Variants in BCS1L observed in about 807,000 individuals in gnomAD.
BCS1L encodes mitochondrial chaperone BCS1.
In BCS1L, 38 loss-of-function variants were observed where a neutral mutation model predicts 49.3. That is an observed-to-expected ratio of 0.77 (90% CI 0.59 to 1.01). BCS1L has a LOEUF of 1.01. Ranked by LOEUF, BCS1L falls within the 50% of genes least tolerant of loss-of-function variation. The probability of loss-of-function intolerance (pLI) is 0.00; values close to 1 mark genes in which losing one functional copy is unlikely to be tolerated. For synonymous variants in BCS1L, 193 were observed against 210.1 expected, an observed-to-expected ratio of 0.92 and a Z score of 0.70; for missense variants, 394 against 540.2, an observed-to-expected ratio of 0.73 and a Z score of 2.68.
chr2:218,661,604 T>C lies in BCS1L; in HGVS notation c.460+59T>C. 6.2e-7 allele frequency: 1 copy of C among 1,607,250 alleles called. No homozygotes were observed. The highest frequency in any genetic ancestry group is 8.5e-7 in the Non-Finnish European group (1 of 1,176,900). ...ATTGCAGGGATGGGGACATTTGACA[T>C]CAGATGAGCAGTTTGGAGAAGTGGA... On this transcript the variant is annotated intron_variant, in intron 3 of 7. Coordinates refer to ENST00000359273, the MANE Select transcript of BCS1L (RefSeq NM_001079866.2). This position sits in a 1 kb window ranked among gnomAD's most constrained non-coding sequence, Gnocchi z 5.9.
At chr2:218,659,371 C>G (rs1939035906), upstream of BCS1L, 1 of 152,304 alleles carries the variant, frequency 6.6e-6, no homozygotes, top group Non-Finnish European at 1.5e-5. The surrounding 1 kb of genome is among the most constrained non-coding windows in gnomAD (Gnocchi z 4.4). Context: ...TCACTCACCT[C>G]CAGACCCAGA....
Position 218,662,047 on chromosome 2 carries a change from G to C in BCS1L, c.655+94G>C. 6.7e-7 allele frequency: 1 copy of C among 1,501,574 alleles called. No homozygotes were observed. Among genetic ancestry groups the C allele is most frequent in the Non-Finnish European group, 9.3e-7 (1 of 1,080,940 alleles). The allele number at this position is 1,501,574 out of a possible 1,614,324, so 93.0% of individuals were successfully genotyped here. A position where few individuals can be genotyped will look rare whatever the true frequency, so the allele number is the denominator to read the frequency against. On this transcript the variant is annotated intron_variant, in intron 4 of 7. Transcript: ENST00000359273. This position sits in a 1 kb window ranked among gnomAD's most constrained non-coding sequence, Gnocchi z 5.8. ...CCAGATGGGGTGATATAAAGCTCTA[G>C]TCCAATTCCCAGAGATTAAGAGGAA... is the stretch of plus-strand genomic sequence containing the variant.
chr2:218,661,171 T>C lies in BCS1L; in HGVS notation c.184T>C (p.Trp62Arg). The C allele has an allele frequency of 6.2e-7, 1 of 1,614,188 alleles. No individual in the cohort carries two copies. The highest frequency in any genetic ancestry group is 8.5e-7 in the Non-Finnish European group (1 of 1,180,026). The change falls in exon 2 of 8, where the codon TGG becomes CGG. Residue 62 changes from tryptophan to arginine, a missense_variant. By Grantham distance (101) the Trp-to-Arg change is moderately radical (BLOSUM62 -3). Coordinates refer to ENST00000359273, the MANE Select transcript of BCS1L (RefSeq NM_001079866.2). The surrounding 1 kb of genome is among the most constrained non-coding windows in gnomAD (Gnocchi z 5.9). ...CCCTGCTCGAGACAGGAGCTATGCC[T>C]GGTTGCTTAGCTGGCTCACCCGCCA... The part of the protein sequence containing the change: ...EVPARDRSYA[W>R]LLSWLTRHST...
At position 218,660,936 on chromosome 2, in the gene BCS1L, T is replaced by G; in HGVS notation, c.-49-3T>G. ...TCCCATCTCCACTGTTCCCCACCCC[T>G]AGGTTTTCGTAACACCCCAGGGCCT... On this transcript the variant is annotated splice_polypyrimidine_tract_variant and splice_region_variant and intron_variant, in intron 1 of 7. Transcript: ENST00000359273. The G allele has an allele frequency of 1.9e-6, 3 of 1,598,716 alleles. No individual in the cohort carries two copies. Among genetic ancestry groups the G allele is most frequent in the Non-Finnish European group, 2.6e-6 (3 of 1,169,604 alleles).
Position 218,663,007 on chromosome 2 carries a change from A to G in BCS1L, c.1007+7A>G. 1 of 1,613,752 alleles carries G rather than the reference A, an allele frequency of 6.2e-7. No individual in the cohort carries two copies. Among genetic ancestry groups the G allele is most frequent in the Non-Finnish European group, 8.5e-7 (1 of 1,179,962 alleles). On this transcript the variant is annotated splice_region_variant and intron_variant, in intron 7 of 7. Transcript: ENST00000359273. The stretch of plus-strand genomic sequence containing the variant: ...CCACCAACCACGTTGACAGGTAGGA[A>G]GGAGCCAGGCATCCTGAGACTTAGG...
chr2:218,661,482 GA>G lies in BCS1L; in HGVS notation c.399del (p.Glu133AspfsTer25), dbSNP rs751484879. On this transcript the variant is annotated frameshift_variant, in exon 3 of 8. Coordinates refer to ENST00000359273, the MANE Select transcript of BCS1L (RefSeq NM_001079866.2). LOFTEE classifies it high-confidence loss of function. The surrounding 1 kb of genome is among the most constrained non-coding windows in gnomAD (Gnocchi z 5.9). ...MIDLQTGTPW[E>X]SVTFTALGTD... is the part of the protein sequence containing the mutation. ...AGACTTGCAGACGGGGACTCCTTGG[GA>G]ATCTGTCACCTTCACGGCCCTGGGC... is the stretch of plus-strand genomic sequence containing the variant. 192 of 1,614,076 alleles carry G rather than the reference GA, an allele frequency of 1.2e-4. No homozygotes were observed. The highest frequency in any genetic ancestry group is 1.5e-4 in the Non-Finnish European group (179 of 1,180,048).
rs200593699 is a variant in BCS1L, at chr2:218,662,992, C to T, written c.999C>T (p.His333=). 10 of 1,613,976 alleles carry T rather than the reference C, an allele frequency of 6.2e-6. No individual in the cohort carries two copies. Among genetic ancestry groups the T allele is most frequent in the East Asian group, 4.5e-5 (2 of 44,864 alleles). ...GCATCGTGTTCATGACCACCAACCA[C>T]GTTGACAGGTAGGAAGGAGCCAGGC... ...EARIVFMTTN[H]VDRLDPALIR... Residue 333 remains histidine, a synonymous_variant, in exon 7 of 8, where the codon CAC becomes CAT. Coordinates refer to ENST00000359273, the MANE Select transcript of BCS1L (RefSeq NM_001079866.2). This position sits in a 1 kb window ranked among gnomAD's most constrained non-coding sequence, Gnocchi z 5.8.
In BCS1L at chr2:218,662,541, A is replaced by G; in HGVS notation, c.751A>G (p.Ile251Val). Residue 251 changes from isoleucine to valine, a missense_variant, in exon 6 of 8, where the codon ATC becomes GTC. Ile to Val is a conservative substitution (Grantham distance 29). Coordinates refer to ENST00000359273, the MANE Select transcript of BCS1L (RefSeq NM_001079866.2). The surrounding 1 kb of genome is among the most constrained non-coding windows in gnomAD (Gnocchi z 5.8). ...TALAGELEHSICLLSLTDSSL... is the reference protein window; with the variant it reads ...TALAGELEHSVCLLSLTDSSL... ...CCTGGCTGGGGAACTGGAGCACAGC[A>G]TCTGCCTGCTGAGCCTCACGGACTC... is the stretch of plus-strand genomic sequence containing the variant. 4.3e-6 allele frequency: 7 copies of G among 1,614,034 alleles called. No homozygotes were observed. Among genetic ancestry groups the G allele is most frequent in the Non-Finnish European group, 5.9e-6 (7 of 1,180,026 alleles).
Position 218,661,597 on chromosome 2 carries a change from T to C in BCS1L, c.460+52T>C. Reference sequence around the variant, plus strand: ...TAGGGACATTGCAGGGATGGGGACATTTGACATCAGATGAGCAGTTTGGAG... The same window carrying C: ...TAGGGACATTGCAGGGATGGGGACACTTGACATCAGATGAGCAGTTTGGAG... On this transcript the variant is annotated intron_variant, in intron 3 of 7. Transcript: ENST00000359273. The surrounding 1 kb of genome is among the most constrained non-coding windows in gnomAD (Gnocchi z 5.9). The C allele has an allele frequency of 3.7e-6, 6 of 1,609,916 alleles. No individual in the cohort carries two copies. The highest frequency in any genetic ancestry group is 1.1e-5 in the South Asian group (1 of 90,678).
Position 218,662,845 on chromosome 2 carries a change from A to G in BCS1L, c.890-38A>G, listed in dbSNP as rs554510882. On this transcript the variant is annotated intron_variant, in intron 6 of 7. Coordinates refer to ENST00000359273, the MANE Select transcript of BCS1L (RefSeq NM_001079866.2). The surrounding 1 kb of genome is among the most constrained non-coding windows in gnomAD (Gnocchi z 5.8). ...GGGCATGCTAATTTTATGCTGGGCT[A>G]TGACTACTCATGCTTCCTTATCTTT... 9 of 1,601,810 alleles carry G rather than the reference A, an allele frequency of 5.6e-6. No homozygotes were observed. In the Admixed American group the frequency reaches 6.7e-5, roughly 12 times the overall value.
rs746903284 is a variant in BCS1L, at chr2:218,661,738, A to G, written c.461-21A>G. 6.2e-7 allele frequency: 1 copy of G among 1,607,564 alleles called. No homozygotes were observed. Among genetic ancestry groups the G allele is most frequent in the Non-Finnish European group, 8.5e-7 (1 of 1,175,504 alleles). On this transcript the variant is annotated intron_variant, in intron 3 of 7. Coordinates refer to ENST00000359273, the MANE Select transcript of BCS1L (RefSeq NM_001079866.2). This position sits in a 1 kb window ranked among gnomAD's most constrained non-coding sequence, Gnocchi z 5.9. ...CATGGTGAAGAGAATTATTGGCTTT[A>G]TCTCATCTTCTCCTTCCCAGCTCGA...
Position 218,661,853 on chromosome 2 carries a change from G to A in BCS1L, c.555G>A (p.Arg185=). The A allele has an allele frequency of 6.2e-7, 1 of 1,614,234 alleles. No individual in the cohort carries two copies. Among genetic ancestry groups the A allele is most frequent in the Non-Finnish European group, 8.5e-7 (1 of 1,180,044 alleles). The change falls in exon 4 of 8, where the codon CGG becomes CGA. Residue 185 remains arginine, a synonymous_variant. Transcript: ENST00000359273. The surrounding 1 kb of genome is among the most constrained non-coding windows in gnomAD (Gnocchi z 5.9). ...EWRPFGYPRR[R]RPLNSVVLQQ... The stretch of plus-strand genomic sequence containing the variant: ...GTCCCTTTGGCTATCCACGCCGCCG[G>A]CGACCACTGAATTCTGTGGTTCTAC...
Position 218,661,650 on chromosome 2 carries a change from C to A in BCS1L, c.460+105C>A, listed in dbSNP as rs1390425582. The A allele has an allele frequency of 6.3e-7, 1 of 1,581,166 alleles. No individual in the cohort carries two copies. Among genetic ancestry groups the A allele is most frequent in the East Asian group, 2.3e-5 (1 of 43,400 alleles). On this transcript the variant is annotated intron_variant, in intron 3 of 7. Coordinates refer to ENST00000359273, the MANE Select transcript of BCS1L (RefSeq NM_001079866.2). The surrounding 1 kb of genome is among the most constrained non-coding windows in gnomAD (Gnocchi z 5.9). Reference sequence around the variant, plus strand: ...GTGGAATAAGCAGGCCGGGGTGAGCCCATGGGAACAGGGGGCCAGAAGGAA... The same window carrying A: ...GTGGAATAAGCAGGCCGGGGTGAGCACATGGGAACAGGGGGCCAGAAGGAA...
rs121908573 is a variant in BCS1L, at chr2:218,661,762, G to A, written c.464G>A (p.Arg155Gln). 1.6e-5 allele frequency: 25 copies of A among 1,608,896 alleles called. No individual in the cohort carries two copies. Among genetic ancestry groups the A allele is most frequent in the Non-Finnish European group, 2.0e-5 (24 of 1,175,812 alleles). ...KVFFNILEEARELALQQEEGK... is the reference protein window; with the variant it reads ...KVFFNILEEAQELALQQEEGK... ...TATCTCATCTTCTCCTTCCCAGCTC[G>A]AGAGCTAGCCTTGCAGCAGGAGGAA... The change falls in exon 4 of 8, where the codon CGA becomes CAA. Residue 155 changes from arginine to glutamine, a missense_variant. Arg to Gln is a conservative substitution (Grantham distance 43, BLOSUM62 1). Transcript: ENST00000359273. This position sits in a 1 kb window ranked among gnomAD's most constrained non-coding sequence, Gnocchi z 5.9.
Position 218,661,974 on chromosome 2 carries a change from T to G in BCS1L, c.655+21T>G. The stretch of plus-strand genomic sequence containing the variant: ...CAGAGGTGAGAAGCAGCTGGGGTCT[T>G]GGCTGTGCTGTTTTTGACATTTTTA... On this transcript the variant is annotated intron_variant, in intron 4 of 7. Transcript: ENST00000359273. The surrounding 1 kb of genome is among the most constrained non-coding windows in gnomAD (Gnocchi z 5.9). 6.2e-7 allele frequency: 1 copy of G among 1,612,376 alleles called. No homozygotes were observed. Among genetic ancestry groups the G allele is most frequent in the Middle Eastern group, 1.7e-4 (1 of 6,060 alleles).
intron 1 of BCS1L, 190 bp from the exon 2 acceptor site, chr2:218,660,749 G>GT: frequency 1.8e-6 from 1 of 553,194 alleles, no homozygotes; most frequent in Non-Finnish European, 3.3e-6. Flanking sequence ...TAGGAAACAG[G>GT]TATGAGTAGA....
chr2:218,662,971 C>G lies in BCS1L; in HGVS notation c.978C>G (p.Ile326Met). ...LDGVASTEARIVFMTTNHVDR... is the reference protein window; with the variant it reads ...LDGVASTEARMVFMTTNHVDR... The stretch of plus-strand genomic sequence containing the variant: ...GTGTGGCTTCCACCGAGGCCCGCAT[C>G]GTGTTCATGACCACCAACCACGTTG... The change falls in exon 7 of 8, where the codon ATC becomes ATG. Residue 326 changes from isoleucine (I) to methionine (M), a missense_variant. Physicochemically the swap from Ile to Met is conservative, Grantham distance 10. Transcript: ENST00000359273. This position sits in a 1 kb window ranked among gnomAD's most constrained non-coding sequence, Gnocchi z 5.8. The G allele has an allele frequency of 1.2e-6, 2 of 1,614,008 alleles. No homozygotes were observed. The highest frequency in any genetic ancestry group is 1.7e-6 in the Non-Finnish European group (2 of 1,180,012).
chr2:218,662,494 A>T lies in BCS1L; in HGVS notation c.720-16A>T. 1 of 1,613,490 alleles carries T rather than the reference A, an allele frequency of 6.2e-7. No individual in the cohort carries two copies. The highest frequency in any genetic ancestry group is 8.5e-7 in the Non-Finnish European group (1 of 1,180,022). On this transcript the variant is annotated splice_polypyrimidine_tract_variant and intron_variant, in intron 5 of 7. Coordinates refer to ENST00000359273, the MANE Select transcript of BCS1L (RefSeq NM_001079866.2). This position sits in a 1 kb window ranked among gnomAD's most constrained non-coding sequence, Gnocchi z 5.8. The stretch of plus-strand genomic sequence containing the variant: ...TCCAGGTTGCCTGCTACCTCCTGCC[A>T]TCCCATGCTCCATAGCACAGCCCTG...
At position 218,661,851 on chromosome 2, in the gene BCS1L, C is replaced by G. The variant is rs748859459; in HGVS notation, c.553C>G (p.Arg185Gly). ...GCGTCCCTTTGGCTATCCACGCCGC[C>G]GGCGACCACTGAATTCTGTGGTTCT... ...EWRPFGYPRR[R>G]RPLNSVVLQQ... The change falls in exon 4 of 8, where the codon CGG becomes GGG. Residue 185 changes from arginine (R) to glycine (G), a missense_variant. Physicochemically the swap from Arg to Gly is moderately radical, Grantham distance 125. Coordinates refer to ENST00000359273, the MANE Select transcript of BCS1L (RefSeq NM_001079866.2). This position sits in a 1 kb window ranked among gnomAD's most constrained non-coding sequence, Gnocchi z 5.9. The G allele has an allele frequency of 6.2e-7, 1 of 1,614,212 alleles. No individual in the cohort carries two copies. Among genetic ancestry groups the G allele is most frequent in the Non-Finnish European group, 8.5e-7 (1 of 1,180,040 alleles).
Sources: gnomAD v4.1 joint callset for allele counts on GRCh38, gnomAD v4.1.1 for gene constraint, Gnocchi (gnomAD v3.1) non-coding constraint, MANE v1.5 for transcripts, NCBI Gene and HGNC (gene_info 2026-07-23, HGNC 2026-07-21) for gene names.